Variants in ZNF239 observed in about 807,000 individuals in gnomAD.
ZNF239 encodes zinc finger protein 239, also known as zinc finger protein (C2H2) homologous to mouse MOK-2.
In ZNF239, 16 loss-of-function variants were observed where a neutral mutation model predicts 27.5. The observed-to-expected ratio is 0.58, with a 90% CI of 0.39 to 0.88. ZNF239 has a LOEUF of 0.88. Ranked by LOEUF, ZNF239 falls within the 40% of genes least tolerant of loss-of-function variation. The probability of loss-of-function intolerance (pLI) is 0.00; values close to 1 mark genes in which losing one functional copy is unlikely to be tolerated. For missense variants in ZNF239, 527 were observed against 551.9 expected, an observed-to-expected ratio of 0.95 and a Z score of 0.45; for synonymous variants, 199 against 192.6, an observed-to-expected ratio of 1.03 and a Z score of -0.27.
chr10:43,570,661 C>T (rs1837971281), intron 2 of ZNF239: 1 of 972,500 alleles, frequency 1.0e-6, no homozygotes, highest in Non-Finnish European at 1.2e-6. Context: ...GTCAATTCTG[C>T]CTCCTAAATT....
chr10:43,558,085 C>T lies in ZNF239; in HGVS notation c.-6G>A, dbSNP rs376660124. Reference sequence around the variant, plus strand: ...CCAGTAATTGTACTGGCCATGCCTTCCAAAACTAGCCAGGAGGAAAGCTCA... The same window carrying T: ...CCAGTAATTGTACTGGCCATGCCTTTCAAAACTAGCCAGGAGGAAAGCTCA... On this transcript the variant is annotated 5_prime_UTR_variant, in exon 4 of 4. Coordinates refer to ENST00000374446, the MANE Select transcript of ZNF239 (RefSeq NM_001099282.2). 92 of 1,605,910 alleles carry T rather than the reference C, an allele frequency of 5.7e-5. No individual in the cohort carries two copies. In the African/African-American group the frequency reaches 5.9e-4, roughly 10 times the overall value.
chr10:43,562,890 C>T (rs1837361096), intron 3 of ZNF239, among the ~76,000 whole-genome samples: 1 of 151,998 alleles, frequency 6.6e-6, no homozygotes, highest in Admixed American at 6.6e-5. Flanking sequence ...ACAGCCATAT[C>T]GTACAATACT....
chr10:43,563,509 A>C (rs1439722357), intron 3 of ZNF239, among the ~76,000 whole-genome samples: 3 of 152,206 alleles, frequency 2.0e-5, no homozygotes, highest in Non-Finnish European at 4.4e-5. Flanking sequence ...TGTAATGTAC[A>C]TACATAAGTA....
chr10:43,567,961 C>T lies in ZNF239; in HGVS notation c.-155G>A. The T allele has an allele frequency of 1.0e-6, 1 of 985,974 alleles. No homozygotes were observed. The highest frequency in any genetic ancestry group is 1.2e-6 in the Non-Finnish European group (1 of 830,064). 61.1% of individuals were successfully genotyped at this position (985,974 alleles called of 1,614,324 possible). A position where few individuals can be genotyped will look rare whatever the true frequency, so the allele number is the denominator to read the frequency against. On this transcript the variant is annotated 5_prime_UTR_variant, in exon 3 of 4. It introduces an in-frame stop codon into an upstream open reading frame of the 5' UTR. Coordinates refer to ENST00000374446, the MANE Select transcript of ZNF239 (RefSeq NM_001099282.2). ...CCGCACAGCTTCCTGGGAGCAGAGTCCAGGTGACCTCACTCCTCCTCGGTG... is the reference window on the plus strand; with the variant it reads ...CCGCACAGCTTCCTGGGAGCAGAGTTCAGGTGACCTCACTCCTCCTCGGTG...
chr10:43,565,052 A>G (rs1005860513), intron 3 of ZNF239, among the ~76,000 whole-genome samples: 12 of 152,156 alleles, frequency 7.9e-5, no homozygotes, highest in African/African-American at 2.9e-4. Flanking sequence ...AAGGGGTGAG[A>G]ATTGGTTCAT....
intron 3 of ZNF239, among the ~76,000 whole-genome samples, chr10:43,560,223 A>G (rs1180252072): frequency 6.6e-6 from 1 of 152,204 alleles, no homozygotes; most frequent in Non-Finnish European, 1.5e-5. Context: ...ACTGCTAATA[A>G]TATTAACTGG....
At chr10:43,570,608 C>T in intron 2 of ZNF239, 2 of 985,068 alleles carry the variant, frequency 2.0e-6, no homozygotes, top group Non-Finnish European at 2.4e-6. Flanking sequence ...ATTGTCTAAT[C>T]CTCCTTCTCT....
chr10:43,561,860 G>A (rs1392954366), intron 3 of ZNF239, among the ~76,000 whole-genome samples: 1 of 151,476 alleles, frequency 6.6e-6, no homozygotes, highest in Non-Finnish European at 1.5e-5. Flanking sequence ...AACCATAGTT[G>A]AAAAATAAAA....
chr10:43,573,588 G>A, intron 2 of ZNF239, 49 bp downstream of exon 2: 2 of 982,884 alleles, frequency 2.0e-6, no homozygotes, highest in Non-Finnish European at 2.4e-6. Flanking sequence ...CATGGCACAG[G>A]GACATTTCAG....
Position 43,556,612 on chromosome 10 carries a change from T to C in ZNF239, c.*91A>G. 6.8e-7 allele frequency: 1 copy of C among 1,469,252 alleles called. No individual in the cohort carries two copies. Among genetic ancestry groups the C allele is most frequent in the Non-Finnish European group, 9.1e-7 (1 of 1,099,370 alleles). The allele number at this position is 1,469,252 out of a possible 1,614,324, so 91.0% of individuals were successfully genotyped here. On this transcript the variant is annotated 3_prime_UTR_variant, in exon 4 of 4. Coordinates refer to ENST00000374446, the MANE Select transcript of ZNF239 (RefSeq NM_001099282.2). ...TATCTAAATAACCCTTACATCTCTC[T>C]CCTTTGTAGAATATAAAGTAAGAGT... is the stretch of plus-strand genomic sequence containing the variant.
At chr10:43,558,910 T>C (rs1165398362) in intron 3 of ZNF239, among the ~76,000 whole-genome samples, 1 of 152,010 alleles carries the variant, frequency 6.6e-6, no homozygotes, top group African/African-American at 2.4e-5. Context: ...TGTAGATGAA[T>C]GTATAGTACA....
chr10:43,562,674 G>C (rs2132258212), intron 3 of ZNF239, among the ~76,000 whole-genome samples: 1 of 152,336 alleles, frequency 6.6e-6, no homozygotes, highest in Middle Eastern at 3.4e-3. Context: ...TGATGGAGCA[G>C]CAGAGTCAGG....
intron 3 of ZNF239, among the ~76,000 whole-genome samples, chr10:43,567,049 G>A (rs970022454): frequency 4.7e-4 from 71 of 152,072 alleles, no homozygotes; most frequent in African/African-American, 1.6e-3. Context: ...AGCCGAGATC[G>A]TGCCACTGCA....
At chr10:43,573,776 T>G in intron 1 of ZNF239, 99 bp from the exon 2 acceptor site, 1 of 339,608 alleles carries the variant, frequency 2.9e-6, no homozygotes, top group Non-Finnish European at 4.2e-6. Context: ...TGACGCTTCT[T>G]CAGTCACTTC....
rs544043017 is a variant in ZNF239 at position 43,557,441 on chromosome 10, A to G, written c.639T>C (p.Gly213=). The G allele has an allele frequency of 1.3e-4, 212 of 1,614,110 alleles. 2 individuals are homozygous for G. The South Asian group carries it at 2.3e-3, about 17-fold the overall frequency. The change falls in exon 4 of 4, where the codon GGT becomes GGC. Residue 213 remains glycine, a synonymous_variant. Transcript: ENST00000374446. ...AEKQYECSQC[G]KNFSQSSELL... is the part of the protein sequence containing the mutation. ...GCTCTGAGCTTTGACTGAAGTTCTT[A>G]CCACACTGACTACATTCGTATTGTT...
At chr10:43,568,375 C>T (rs1837821878) in intron 2 of ZNF239, 1 of 985,486 alleles carries the variant, frequency 1.0e-6, no homozygotes. Context: ...TTACCCAACA[C>T]TCTGACCTCA....
Position 43,557,248 on chromosome 10 carries a change from G to C in ZNF239, c.832C>G (p.Leu278Val). 6.2e-7 allele frequency: 1 copy of C among 1,614,136 alleles called. No homozygotes were observed. The change falls in exon 4 of 4, where the codon CTG (leucine) becomes GTG (valine). Residue 278 changes from leucine to valine, a missense_variant. Transcript: ENST00000374446. ...GTATGGACGGCATGATGGATGAGCA[G>C]ACTTGAGCTCCTGGTGAAGCCCTTC... Reference protein sequence around the residue: ...CGKGFTRSSSLLIHHAVHTGE... With the variant: ...CGKGFTRSSSVLIHHAVHTGE...
At chr10:43,563,517 G>T (rs1049329668) in intron 3 of ZNF239, among the ~76,000 whole-genome samples, 1 of 152,114 alleles carries the variant, frequency 6.6e-6, no homozygotes, top group Non-Finnish European at 1.5e-5. Flanking sequence ...ACATACATAA[G>T]TACAGAGTCC....
In ZNF239 at chr10:43,563,328, GA is replaced by G. The variant is rs1373782735; in HGVS notation, c.-93+4570del. 5.3e-5 allele frequency among the ~76,000 whole-genome samples: 8 copies of G among 150,144 alleles called. No homozygotes were observed. The East Asian group carries it at 1.4e-3, about 26-fold the overall frequency. On this transcript the variant is annotated intron_variant, in intron 3 of 3. Transcript: ENST00000374446. ...GAGCCTTCGTCTAAAAGAAGAAGAA[GA>G]AAAAAAAATATGAAGAATGAGTGTA...
Sources: gnomAD v4.1 joint callset for allele counts (sites outside exome capture counted in the v4.1 genomes callset) on GRCh38, gnomAD v4.1.1 for gene constraint, MANE v1.5 for transcripts, NCBI Gene and HGNC (gene_info 2026-07-23, HGNC 2026-07-21) for gene names.